PTPRN2: variants seen among roughly 807,000 people sequenced by gnomAD.
PTPRN2 encodes the protein protein tyrosine phosphatase receptor type N2.
Under a neutral mutation model 118.8 loss-of-function variants are expected in PTPRN2, and 74 were observed. The observed-to-expected ratio is 0.62, with a 90% confidence interval of 0.52 to 0.76. PTPRN2 has a LOEUF of 0.76. PTPRN2 is among the 30% of genes least tolerant of loss of function. PTPRN2 has a pLI of 0.00. For synonymous variants in PTPRN2, 641 were observed against 608.0 expected, an observed-to-expected ratio of 1.05 and a Z score of -0.80; for missense variants, 1,481 against 1,394.4, an observed-to-expected ratio of 1.06 and a Z score of -0.99.
intron 18 of PTPRN2, among the ~76,000 whole-genome samples, chr7:157,577,673 G>C (rs1249101321): frequency 6.6e-6 from 1 of 152,192 alleles, no homozygotes; most frequent in South Asian, 2.1e-4. Flanking sequence ...GCTGTGAGGC[G>C]AATGTTTTTT....
intron 12 of PTPRN2, 106 bp downstream of exon 12, chr7:157,898,567 C>T (rs1797262645): frequency 8.4e-7 from 1 of 1,187,588 alleles, no homozygotes; most frequent in South Asian, 1.3e-5. Flanking sequence ...AAAACAGGAC[C>T]TTGGCTGAAT....
At chr7:158,364,500 T>G (rs1246857566) in intron 2 of PTPRN2, among the ~76,000 whole-genome samples, 1 of 152,224 alleles carries the variant, frequency 6.6e-6, no homozygotes, top group Non-Finnish European at 1.5e-5. Context: ...TATAAATCAA[T>G]TTTTTAAAGA....
Position 158,209,123 on chromosome 7 carries a change from A to AC in PTPRN2, c.278-3851_278-3850insG, listed in dbSNP as rs1827385965. Among the ~76,000 whole-genome samples, 4 of 152,044 alleles carry AC rather than the reference A, an allele frequency of 2.6e-5. No homozygotes were observed. The South Asian group carries it at 8.4e-4, about 32-fold the overall frequency. On this transcript the variant is annotated intron_variant, in intron 3 of 22. Transcript: ENST00000389418. Reference sequence around the variant, plus strand: ...AAAATCACTTTCACTTAAAAAAAAAAGTAAGGAAAGAAATAAGAAAGAGAA... The same window carrying AC: ...AAAATCACTTTCACTTAAAAAAAAAACGTAAGGAAAGAAATAAGAAAGAGAA...
intron 9 of PTPRN2, among the ~76,000 whole-genome samples, chr7:158,122,847 C>T (rs1466005365): frequency 6.6e-6 from 1 of 152,250 alleles, no homozygotes; most frequent in Non-Finnish European, 1.5e-5. Context: ...GCGACCTACA[C>T]TTGTTCTTAA....
At chr7:157,976,185 G>A (rs1301474623) in intron 11 of PTPRN2, among the ~76,000 whole-genome samples, 5 of 152,230 alleles carry the variant, frequency 3.3e-5, no homozygotes, top group South Asian at 4.1e-4. Flanking sequence ...GGTTCCCATC[G>A]CGTTATCAGC....
chr7:157,611,414 T>C lies in PTPRN2; in HGVS notation c.2345-7339A>G, dbSNP rs1221575550. Among the ~76,000 whole-genome samples the C allele has an allele frequency of 6.6e-6, 1 of 152,082 alleles. No homozygotes were observed. The highest frequency in any genetic ancestry group is 6.5e-5 in the Admixed American group (1 of 15,278). On this transcript the variant is annotated intron_variant, in intron 15 of 22. Transcript: ENST00000389418. This position sits in a 1 kb window ranked among gnomAD's most constrained non-coding sequence, Gnocchi z 5.9. ...CAGGCAGGGCTATGCGGGGGCAGAATGCAGGGGGAACAGACGCCAAAGGTG... is the reference window on the plus strand; with the variant it reads ...CAGGCAGGGCTATGCGGGGGCAGAACGCAGGGGGAACAGACGCCAAAGGTG...
chr7:158,131,809 C>T (rs560528060), intron 9 of PTPRN2, among the ~76,000 whole-genome samples: 8 of 150,690 alleles, frequency 5.3e-5, no homozygotes, highest in East Asian at 3.9e-4. Flanking sequence ...TACACACACA[C>T]ACAAATACGC....
rs1456313697 is a variant in PTPRN2 at position 157,761,581 on chromosome 7, C to A, written c.1789-78644G>T. On this transcript the variant is annotated intron_variant, in intron 12 of 22. Transcript: ENST00000389418. ...GCTGAAACTGGATCCCTTCCTTACA[C>A]CTTATACAAAAATCAATTCAAGATG... is the stretch of plus-strand genomic sequence containing the variant. 2.7e-5 allele frequency among the ~76,000 whole-genome samples: 4 copies of A among 148,880 alleles called. 1 individual carries two copies. Among genetic ancestry groups the A allele is most frequent in the Non-Finnish European group, 5.9e-5 (4 of 67,366 alleles).
At chr7:157,823,502 C>T (rs942036159) in intron 12 of PTPRN2, among the ~76,000 whole-genome samples, 1 of 152,178 alleles carries the variant, frequency 6.6e-6, no homozygotes, top group Admixed American at 6.5e-5. Context: ...AGCTGGACTC[C>T]ATCTATTATT....
At chr7:157,777,286 G>A (rs988712818) in intron 12 of PTPRN2, among the ~76,000 whole-genome samples, 4 of 152,196 alleles carry the variant, frequency 2.6e-5, no homozygotes, top group African/African-American at 9.7e-5. Context: ...CATGTCGGTC[G>A]CTGAGTTACA....
chr7:157,637,069 CA>C (rs765406384), intron 14 of PTPRN2, among the ~76,000 whole-genome samples: 30 of 152,294 alleles, frequency 2.0e-4, no homozygotes, highest in Non-Finnish European at 2.5e-4. Flanking sequence ...TGTTCTACAA[CA>C]TTTTTTTATT....
At chr7:157,723,372 C>G (rs549041751) in intron 12 of PTPRN2, among the ~76,000 whole-genome samples, 1 of 152,178 alleles carries the variant, frequency 6.6e-6, no homozygotes, top group African/African-American at 2.4e-5. Flanking sequence ...GGCCTTTCCC[C>G]GGCTGGCCAC....
chr7:157,783,440 C>T (rs952205011), intron 12 of PTPRN2, among the ~76,000 whole-genome samples: 1 of 150,866 alleles, frequency 6.6e-6, no homozygotes, highest in Non-Finnish European at 1.5e-5. Flanking sequence ...ATGTCTGAGC[C>T]TGATGTTCCT....
At chr7:158,479,868 G>A (rs531357158) in intron 2 of PTPRN2, among the ~76,000 whole-genome samples, 4 of 152,384 alleles carry the variant, frequency 2.6e-5, no homozygotes, top group East Asian at 3.9e-4. Flanking sequence ...CGCAGTGGGC[G>A]TCATCCTCGC....
rs1813856588 is a variant in PTPRN2 at position 158,089,649 on chromosome 7, A to AGGAAAGAGGGAG, written c.1644-8273_1644-8272insCTCCCTCTTTCC. On this transcript the variant is annotated intron_variant, in intron 10 of 22. Transcript: ENST00000389418. The stretch of plus-strand genomic sequence containing the variant: ...TCTTCACACAAACCTTCTTCCCCTG[A>AGGAAAGAGGGAG]TGAAAGGGGGAGTCTTCACACAAAC... Among the ~76,000 whole-genome samples, 3 of 126,928 alleles carry AGGAAAGAGGGAG rather than the reference A, an allele frequency of 2.4e-5. 1 individual carries two copies. Among genetic ancestry groups the AGGAAAGAGGGAG allele is most frequent in the Non-Finnish European group, 5.3e-5 (3 of 57,040 alleles). The allele number at this position is 126,928 out of a possible 152,430, so 83.3% of individuals were successfully genotyped here.
rs1395091948 is a variant in PTPRN2, at chr7:157,674,316, C to T, written c.2001+8409G>A. ...TCCCCAGGAGGCGAGGGTGGGGGGACTCCTGCTGGAGGCGGCCGGCAGATC... is the reference window on the plus strand; with the variant it reads ...TCCCCAGGAGGCGAGGGTGGGGGGATTCCTGCTGGAGGCGGCCGGCAGATC... On this transcript the variant is annotated intron_variant, in intron 13 of 22. Transcript: ENST00000389418. This position sits in a 1 kb window ranked among gnomAD's most constrained non-coding sequence, Gnocchi z 4.5. Among the ~76,000 whole-genome samples the T allele has an allele frequency of 6.6e-6, 1 of 152,168 alleles. No homozygotes were observed. The highest frequency in any genetic ancestry group is 6.5e-5 in the Admixed American group (1 of 15,282).
intron 4 of PTPRN2, among the ~76,000 whole-genome samples, chr7:158,198,660 G>T: frequency 6.6e-6 from 1 of 152,264 alleles, no homozygotes; most frequent in Non-Finnish European, 1.5e-5. Context: ...CATGATCCCT[G>T]GTTCTCAGGT....
At chr7:158,155,451 C>T (rs1821620092) in intron 6 of PTPRN2, among the ~76,000 whole-genome samples, 1 of 152,026 alleles carries the variant, frequency 6.6e-6, no homozygotes, top group South Asian at 2.1e-4. Context: ...ATCACCAACA[C>T]CATCATCACC....
chr7:157,724,240 A>C (rs533477833), intron 12 of PTPRN2, among the ~76,000 whole-genome samples: 3 of 152,304 alleles, frequency 2.0e-5, no homozygotes, highest in Admixed American at 2.0e-4. Context: ...GGCTACCCCC[A>C]CCTGAAACAC....
Sources: allele counts gnomAD v4.1 joint callset (sites outside exome capture counted in the v4.1 genomes callset), GRCh38; gene constraint gnomAD v4.1.1; non-coding constraint Gnocchi (gnomAD v3.1); transcripts MANE v1.5; gene names NCBI Gene and HGNC (gene_info 2026-07-23, HGNC 2026-07-21).